Variants in ZFHX3 observed in about 807,000 individuals in gnomAD.
ZFHX3 encodes zinc finger homeobox protein 3.
Under a neutral mutation model 279.1 loss-of-function variants are expected in ZFHX3, and 42 were observed. The observed-to-expected ratio is 0.15, with a 90% CI of 0.12 to 0.19. ZFHX3 has a LOEUF of 0.19. Ranked by LOEUF, ZFHX3 falls within the 10% of genes least tolerant of loss-of-function variation. The pLI is 1.00. For missense variants in ZFHX3, 4,981 were observed against 4,754.0 expected (o/e 1.05, Z -1.40); for synonymous variants, 2,293 against 1,957.8 (o/e 1.17, Z -4.52).
intron 2 of ZFHX3, among the ~76,000 whole-genome samples, chr16:73,573,728 A>G (rs534513093): frequency 7.9e-5 from 12 of 152,242 alleles, no homozygotes; most frequent in Non-Finnish European, 1.6e-4. Context: ...GTTAGAATCA[A>G]ACGGTTTATT....
chr16:73,057,406 T>C (rs1234671092), intron 1 of ZFHX3, among the ~76,000 whole-genome samples: 4 of 151,922 alleles, frequency 2.6e-5, no homozygotes, highest in East Asian at 1.9e-4. Context: ...TACTCTCCAA[T>C]AGATATGCAA....
rs16971372 is a variant in ZFHX3 at position 72,890,006 on chromosome 16, C to T, written c.3217-44G>A. 11,808 of 1,555,874 alleles carry T rather than the reference C, an allele frequency of 7.6e-3. 752 individuals carry two copies. In the African/African-American group the frequency reaches 0.14, roughly 18 times the overall value. ...AAAGACATGCCTTGGGTAAGCCACT[C>T]GAAGCGGCCACTGGCATCAGCCCAC... On this transcript the variant is annotated intron_variant, in intron 3 of 9. Coordinates refer to ENST00000268489, the MANE Select transcript of ZFHX3 (RefSeq NM_006885.4).
At chr16:73,449,933 A>G (rs1031403175) in intron 3 of ZFHX3, among the ~76,000 whole-genome samples, 1 of 152,180 alleles carries the variant, frequency 6.6e-6, no homozygotes, top group South Asian at 2.1e-4. Context: ...TTTCAAGTCT[A>G]TATTTTTTGT....
rs142130964 is a variant in ZFHX3, at chr16:73,428,107, G to T, written c.-1291+27896C>A. ...CGGGTCCCTTTGCCAGGAATGAAAG[G>T]ACAGAATTTCTCATTAATGGGAAGG... is the stretch of plus-strand genomic sequence containing the variant. On this transcript the variant is annotated intron_variant, in intron 3 of 17. Coordinates refer to the ZFHX3 transcript ENST00000641206. Among the ~76,000 whole-genome samples, 956 of 152,264 alleles carry T rather than the reference G, an allele frequency of 6.3e-3. 9 individuals are homozygous for T. The highest frequency in any genetic ancestry group is 7.9e-3 in the Non-Finnish European group (537 of 68,020).
chr16:73,229,840 T>G (rs1037214273), intron 5 of ZFHX3, among the ~76,000 whole-genome samples: 3 of 152,212 alleles, frequency 2.0e-5, no homozygotes, highest in African/African-American at 7.2e-5. Context: ...AAATTAGGTA[T>G]TATTTACCTT....
chr16:73,438,360 C>T (rs1262780885), intron 3 of ZFHX3, among the ~76,000 whole-genome samples: 1 of 152,158 alleles, frequency 6.6e-6, no homozygotes, highest in Non-Finnish European at 1.5e-5. Context: ...AATGCAGTCA[C>T]TGGGATAAGT....
At chr16:73,143,700 T>C (rs961028167) in intron 6 of ZFHX3, 17 of 1,254,508 alleles carry the variant, frequency 1.4e-5, no homozygotes, top group Non-Finnish European at 1.6e-5. Context: ...CTGCGTTAAC[T>C]CACCTGGTAT....
chr16:73,333,905 C>A (rs2015856150), intron 3 of ZFHX3, among the ~76,000 whole-genome samples: 1 of 151,678 alleles, frequency 6.6e-6, no homozygotes, highest in African/African-American at 2.4e-5. Flanking sequence ...CACCTTGTAT[C>A]CGGCACGCTG....
intron 3 of ZFHX3, among the ~76,000 whole-genome samples, chr16:72,948,344 C>T (rs1960808912): frequency 6.6e-6 from 1 of 152,184 alleles, no homozygotes; most frequent in African/African-American, 2.4e-5. Flanking sequence ...GCTCAGGACC[C>T]TTCTACCCAC....
intron 3 of ZFHX3, among the ~76,000 whole-genome samples, chr16:72,944,462 G>A (rs1192044318): frequency 6.6e-6 from 1 of 152,124 alleles, no homozygotes; most frequent in Non-Finnish European, 1.5e-5. Context: ...GGACAGTAAA[G>A]TCAGAAAGTA....
chr16:73,813,300 G>A (rs939197454), intron 1 of ZFHX3, among the ~76,000 whole-genome samples: 5 of 151,690 alleles, frequency 3.3e-5, no homozygotes, highest in East Asian at 1.9e-4. Context: ...ACTAATAAGC[G>A]AGCCAGGATT....
At chr16:72,943,985 GTATC>G (rs1476789095) in intron 3 of ZFHX3, among the ~76,000 whole-genome samples, 1 of 152,128 alleles carries the variant, frequency 6.6e-6, no homozygotes, top group African/African-American at 2.4e-5. Context: ...TGACCTAAAA[GTATC>G]TATATCTACT....
chr16:73,741,965 C>G (rs181969698), intron 1 of ZFHX3, among the ~76,000 whole-genome samples: 22 of 152,310 alleles, frequency 1.4e-4, no homozygotes, highest in Non-Finnish European at 1.6e-4. Flanking sequence ...CCCCAGTATT[C>G]ACACCATAAG....
chr16:73,002,175 C>A (rs1365080876), intron 1 of ZFHX3, among the ~76,000 whole-genome samples: 1 of 152,134 alleles, frequency 6.6e-6, no homozygotes, highest in African/African-American at 2.4e-5. Context: ...GAACTCAAAC[C>A]CCCGCCAGGA....
At chr16:73,678,992 G>T (rs1299763750) in intron 2 of ZFHX3, among the ~76,000 whole-genome samples, 1 of 152,138 alleles carries the variant, frequency 6.6e-6, no homozygotes, top group East Asian at 1.9e-4. Flanking sequence ...AATATCTAGG[G>T]TCAAGCACAT....
chr16:73,674,845 T>C (rs755521837), intron 2 of ZFHX3, among the ~76,000 whole-genome samples: 12 of 152,158 alleles, frequency 7.9e-5, no homozygotes, highest in Non-Finnish European at 1.6e-4. Flanking sequence ...AGTTGACTTC[T>C]CAGCTGACTA....
rs77073745 is a variant in ZFHX3 at position 73,077,077 on chromosome 16, G to A, written c.-533+16158C>T. Among the ~76,000 whole-genome samples, 1,117 of 152,198 alleles carry A rather than the reference G, an allele frequency of 7.3e-3. 20 individuals carry two copies. The highest frequency in any genetic ancestry group is 0.026 in the African/African-American group (1,073 of 41,518). On this transcript the variant is annotated intron_variant, in intron 8 of 17. Transcript: ENST00000641206. ...CCTTTGGGACTCTCAAAAAGGATGC[G>A]CTAATAAATCTAGGCCCCAGGATAG...
intron 3 of ZFHX3, among the ~76,000 whole-genome samples, chr16:73,388,548 C>G (rs12928144): frequency 0.62 from 94,449 of 152,002 alleles, 30,600 homozygotes; most frequent in Non-Finnish European, 0.73. Context: ...GGGTAAGTTG[C>G]CAGGGGATTG....
chr16:72,869,486 C>G (rs755573303), intron 4 of ZFHX3, among the ~76,000 whole-genome samples: 1 of 152,198 alleles, frequency 6.6e-6, no homozygotes, highest in South Asian at 2.1e-4. Flanking sequence ...CAAGGTAACA[C>G]ATGATCTTCC....
Sources: allele counts gnomAD v4.1 joint callset (sites outside exome capture counted in the v4.1 genomes callset), GRCh38; gene constraint gnomAD v4.1.1; transcripts MANE v1.5; gene names NCBI Gene and HGNC (gene_info 2026-07-23, HGNC 2026-07-21).